PHACTR1: variants seen among roughly 807,000 people sequenced by gnomAD.
PHACTR1 encodes the protein phosphatase and actin regulator 1.
Under a neutral mutation model 69.2 loss-of-function variants are expected in PHACTR1, and 16 were observed. The ratio of observed to expected loss-of-function variants is 0.23; its 90% confidence interval spans 0.16 to 0.35. The LOEUF (loss-of-function observed/expected upper bound fraction) is 0.35, where lower values mean the gene tolerates loss of function less well. Ranked by LOEUF, PHACTR1 falls within the 10% of genes least tolerant of loss-of-function variation. The pLI is 1.00. For synonymous variants in PHACTR1, 312 were observed against 284.5 expected (o/e 1.10, Z -0.97); for missense variants, 510 against 734.7 (o/e 0.69, Z 3.54).
chr6:13,066,449 T>C (rs958195197), intron 5 of PHACTR1, among the ~76,000 whole-genome samples: 16 of 152,206 alleles, frequency 1.1e-4, no homozygotes, highest in African/African-American at 1.9e-4. Context: ...GAATTTGCCA[T>C]CATTCATGAT....
At chr6:12,725,160 G>A (rs189963998) in intron 3 of PHACTR1, among the ~76,000 whole-genome samples, 8 of 152,126 alleles carry the variant, frequency 5.3e-5, no homozygotes, top group South Asian at 2.1e-4. Context: ...CTCCCCTCAC[G>A]CCTCCACCCA....
intron 4 of PHACTR1, among the ~76,000 whole-genome samples, chr6:12,973,855 A>T (rs1338951930): frequency 5.3e-5 from 8 of 152,072 alleles, no homozygotes; most frequent in African/African-American, 1.9e-4. Flanking sequence ...GGGAGAACTA[A>T]CCATCTTTAA....
intron 4 of PHACTR1, among the ~76,000 whole-genome samples, chr6:12,793,210 G>A (rs940719651): frequency 9.9e-5 from 15 of 152,164 alleles, no homozygotes; most frequent in Admixed American, 5.9e-4. Flanking sequence ...AGCAAATGTC[G>A]AGTGTTTCCC....
At chr6:13,160,092 T>C (rs1758765236) in intron 5 of PHACTR1, 112 bp from the exon 6 acceptor site, 2 of 918,586 alleles carry the variant, frequency 2.2e-6, no homozygotes, top group African/African-American at 1.6e-5. Context: ...AAAGCACGAT[T>C]TACAGAAGCT....
At chr6:13,020,259 C>T (rs185575622) in intron 4 of PHACTR1, among the ~76,000 whole-genome samples, 1 of 152,312 alleles carries the variant, frequency 6.6e-6, no homozygotes, top group East Asian at 1.9e-4. Flanking sequence ...AGCAGTAGAC[C>T]ATTCAAGAGA....
chr6:12,965,070 A>G (rs1456136110), intron 4 of PHACTR1, among the ~76,000 whole-genome samples: 1 of 152,212 alleles, frequency 6.6e-6, no homozygotes, highest in African/African-American at 2.4e-5. Flanking sequence ...AATCATCTCT[A>G]GCTTACGTAT....
chr6:13,213,660 C>T (rs1005045652), intron 8 of PHACTR1, among the ~76,000 whole-genome samples: 6 of 152,260 alleles, frequency 3.9e-5, no homozygotes, highest in Non-Finnish European at 7.4e-5. Flanking sequence ...CCCTCATGAA[C>T]GACATTAAGA....
At chr6:12,736,023 A>T (rs949225678) in intron 3 of PHACTR1, among the ~76,000 whole-genome samples, 1 of 152,226 alleles carries the variant, frequency 6.6e-6, no homozygotes, top group Non-Finnish European at 1.5e-5. Flanking sequence ...TCCATTAATG[A>T]CAAGTTTAAG....
intron 4 of PHACTR1, among the ~76,000 whole-genome samples, chr6:12,845,431 C>CT (rs1554149752): frequency 5.1e-5 from 2 of 39,598 alleles, no homozygotes; most frequent in Non-Finnish European, 1.3e-4. Context: ...CACCACCCAC[C>CT]CCCCCCCCCC....
intron 6 of PHACTR1, among the ~76,000 whole-genome samples, chr6:13,175,719 C>T (rs1761228968): frequency 6.6e-6 from 1 of 152,152 alleles, no homozygotes; most frequent in South Asian, 2.1e-4. Context: ...ATTTGAGGGG[C>T]CCTCTATTAG....
chr6:12,770,107 T>G (rs1769189943), intron 4 of PHACTR1, among the ~76,000 whole-genome samples: 1 of 152,244 alleles, frequency 6.6e-6, no homozygotes, highest in Admixed American at 6.5e-5. Flanking sequence ...CGGGTCCTCT[T>G]GCCCTTTCCT....
At position 13,271,050 on chromosome 6, in the gene PHACTR1, C is replaced by T. The variant is rs143195862; in HGVS notation, c.1392-1810C>T. 8.7e-3 allele frequency among the ~76,000 whole-genome samples: 1,310 copies of T among 151,218 alleles called. 10 individuals are homozygous for T. Among genetic ancestry groups the T allele is most frequent in the Non-Finnish European group, 0.011 (768 of 67,794 alleles). On this transcript the variant is annotated intron_variant, in intron 10 of 14. Coordinates refer to ENST00000332995, the MANE Select transcript of PHACTR1 (RefSeq NM_030948.6). ...TTTTGAGACAGTCTCACTTTGTCAC[C>T]CAGGCTGGAGTGCAGTGGCGCAATG...
intron 12 of PHACTR1, among the ~76,000 whole-genome samples, chr6:13,279,121 G>A (rs1239284854): frequency 6.7e-6 from 1 of 149,564 alleles, no homozygotes; most frequent in African/African-American, 2.5e-5. Context: ...CGAAAGTACT[G>A]ACAAATTTAA....
chr6:12,865,863 C>T (rs1781401649), intron 4 of PHACTR1, among the ~76,000 whole-genome samples: 1 of 152,074 alleles, frequency 6.6e-6, no homozygotes, highest in African/African-American at 2.4e-5. Flanking sequence ...ATTCTCTTCC[C>T]CTAGGGAATG....
chr6:12,982,017 A>G (rs1191582650), intron 4 of PHACTR1, among the ~76,000 whole-genome samples: 1 of 151,588 alleles, frequency 6.6e-6, no homozygotes, highest in Non-Finnish European at 1.5e-5. Flanking sequence ...TTTTTTGCTT[A>G]CTCTCTCCCT....
In PHACTR1 at chr6:13,198,622, GA is replaced by G. The variant is rs201932224; in HGVS notation, c.665-7181del. On this transcript the variant is annotated intron_variant, in intron 7 of 14. Coordinates refer to ENST00000332995, the MANE Select transcript of PHACTR1 (RefSeq NM_030948.6). The stretch of plus-strand genomic sequence containing the variant: ...CAAATACTAATGATACCTGATGAGT[GA>G]AAAAAAAAAAACGAAAGAAAAGAAA... 1.1e-3 allele frequency among the ~76,000 whole-genome samples: 145 copies of G among 135,004 alleles called. 1 individual carries two copies. Among genetic ancestry groups the G allele is most frequent in the Admixed American group, 4.9e-3 (65 of 13,272 alleles). The allele number at this position is 135,004 out of a possible 152,430, so 88.6% of individuals were successfully genotyped here.
intron 4 of PHACTR1, among the ~76,000 whole-genome samples, chr6:12,983,057 A>G (rs1795710424): frequency 6.6e-6 from 1 of 152,132 alleles, no homozygotes; most frequent in African/African-American, 2.4e-5. Flanking sequence ...AAAGCTGAGA[A>G]CAAAACCAAT....
intron 4 of PHACTR1, among the ~76,000 whole-genome samples, chr6:12,912,063 T>C (rs1409090123): frequency 6.6e-6 from 1 of 151,816 alleles, no homozygotes; most frequent in Non-Finnish European, 1.5e-5. Context: ...AGTGGTGAGA[T>C]CTCGGCTCAC....
intron 4 of PHACTR1, among the ~76,000 whole-genome samples, chr6:13,032,877 C>T (rs1802671578): frequency 1.3e-5 from 2 of 152,000 alleles, no homozygotes; most frequent in Admixed American, 6.6e-5. Flanking sequence ...CTGGGATTAC[C>T]GGTATGAGCT....
Sources: gnomAD v4.1 joint callset for allele counts (sites outside exome capture counted in the v4.1 genomes callset) on GRCh38, gnomAD v4.1.1 for gene constraint, MANE v1.5 for transcripts, NCBI Gene and HGNC (gene_info 2026-07-23, HGNC 2026-07-21) for gene names.